ADRA1B: variants seen among roughly 807,000 people sequenced by gnomAD.
ADRA1B encodes alpha-1B adrenergic receptor.
ADRA1B carries 17 observed loss-of-function variants against 17.9 expected under a neutral mutation model. The observed-to-expected ratio is 0.95, with a 90% CI of 0.65 to 1.42. ADRA1B has a LOEUF of 1.42. Among genes scored for constraint, ADRA1B ranks in the 40% most tolerant of loss-of-function variants. The pLI is 0.00. For synonymous variants in ADRA1B, 366 were observed against 327.6 expected (o/e 1.12, Z -1.27); for missense variants, 681 against 722.1 (o/e 0.94, Z 0.65).
chr5:159,981,763 T>C, the ADRA1B span, among the ~76,000 whole-genome samples: 2 of 152,234 alleles, frequency 1.3e-5, no homozygotes, highest in Non-Finnish European at 2.9e-5. Flanking sequence ...CCCAAAGTGC[T>C]GGGATTACAG....
chr5:159,893,443 G>A (rs1435881808), intron 1 of ADRA1B, among the ~76,000 whole-genome samples: 1 of 152,222 alleles, frequency 6.6e-6, no homozygotes, highest in East Asian at 1.9e-4. Flanking sequence ...CAGCTTGGAA[G>A]GAGGGGCTCC....
rs1039984710 is a variant in ADRA1B, at chr5:159,969,836, T to C, written c.950-2043T>C. On this transcript the variant is annotated intron_variant, in intron 1 of 1. Transcript: ENST00000306675. ...GTATACACACCAAAATATGGTATTT[T>C]GGCACTGCAGAGTTTTATATGTGCT... Among the ~76,000 whole-genome samples, 145 of 152,370 alleles carry C rather than the reference T, an allele frequency of 9.5e-4. 1 individual carries two copies. The highest frequency in any genetic ancestry group is 3.2e-3 in the African/African-American group (135 of 41,598).
intron 1 of ADRA1B, among the ~76,000 whole-genome samples, chr5:159,965,361 G>T (rs2113288895): frequency 6.6e-6 from 1 of 152,244 alleles, no homozygotes; most frequent in Middle Eastern, 3.4e-3. Context: ...ATGCACAGGG[G>T]GTTAGTGGCA....
At chr5:159,902,438 G>C (rs1475739838) in intron 1 of ADRA1B, among the ~76,000 whole-genome samples, 2 of 151,680 alleles carry the variant, frequency 1.3e-5, no homozygotes, top group Non-Finnish European at 2.9e-5. Context: ...GCTGTAATGT[G>C]TACTTAAAAA....
At position 159,940,697 on chromosome 5, in the gene ADRA1B, C is replaced by T. The variant is rs867358895; in HGVS notation, c.949+22843C>T. 6.6e-5 allele frequency among the ~76,000 whole-genome samples: 10 copies of T among 152,222 alleles called. No individual in the cohort carries two copies. The Middle Eastern group carries it at 0.01, about 155-fold the overall frequency. ...ATATATACACACACACAAATGCATA[C>T]ACACACATGCATATACACACACTTA... On this transcript the variant is annotated intron_variant, in intron 1 of 1. Transcript: ENST00000306675.
intron 1 of ADRA1B, chr5:159,869,417 G>A (rs1753707341): frequency 6.6e-6 from 1 of 152,212 alleles, no homozygotes; most frequent in Admixed American, 6.5e-5. Context: ...CAGAACAGGT[G>A]TCCACAGGTA....
intron 1 of ADRA1B, among the ~76,000 whole-genome samples, chr5:159,908,918 T>C (rs1754195214): frequency 6.6e-6 from 1 of 152,170 alleles, no homozygotes; most frequent in Non-Finnish European, 1.5e-5. Context: ...TAATTGCCAT[T>C]ATACCAGGCT....
At chr5:159,939,274 AGAGAGTGTGTGT>A (rs1201912125) in intron 1 of ADRA1B, among the ~76,000 whole-genome samples, 88 of 78,402 alleles carry the variant, frequency 1.1e-3, no homozygotes, top group Admixed American at 3.0e-3. Flanking sequence ...AGAGAGAGAG[AGAGAGTGTGTGT>A]GTGTGTGTGT....
At chr5:159,866,656 C>A (rs1753657633) in intron 1 of ADRA1B, among the ~76,000 whole-genome samples, 1 of 151,122 alleles carries the variant, frequency 6.6e-6, no homozygotes, top group Non-Finnish European at 1.5e-5. Context: ...TAGTGGGGGA[C>A]AAACACATAA....
chr5:159,915,290 C>G (rs1478243581), upstream of ADRA1B, among the ~76,000 whole-genome samples: 1 of 152,160 alleles, frequency 6.6e-6, no homozygotes, highest in Non-Finnish European at 1.5e-5. Context: ...AGCTAAACTT[C>G]CCCATAATTT....
At chr5:159,927,929 G>C (rs963718757) in intron 1 of ADRA1B, among the ~76,000 whole-genome samples, 6 of 152,138 alleles carry the variant, frequency 3.9e-5, no homozygotes, top group Non-Finnish European at 7.3e-5. Context: ...GTATTTCGTG[G>C]GAAGCAGGAG....
At chr5:159,944,215 C>A (rs1755211584) in intron 1 of ADRA1B, among the ~76,000 whole-genome samples, 1 of 152,160 alleles carries the variant, frequency 6.6e-6, no homozygotes, top group African/African-American at 2.4e-5. Flanking sequence ...GCCCCAGGAA[C>A]AAATGGCCCC....
intron 1 of ADRA1B, chr5:159,951,104 A>G (rs1755426206): frequency 8.1e-6 from 6 of 740,914 alleles, no homozygotes; most frequent in African/African-American, 6.8e-5. Flanking sequence ...GTTCATGCCC[A>G]TCACGAACAT....
chr5:159,942,777 G>GA (rs1427021540), intron 1 of ADRA1B, among the ~76,000 whole-genome samples: 1 of 151,818 alleles, frequency 6.6e-6, no homozygotes, highest in African/African-American at 2.4e-5. Flanking sequence ...GAAATACATA[G>GA]AAAAAAACTG....
At chr5:159,875,823 G>C (rs1369069260) in intron 1 of ADRA1B, among the ~76,000 whole-genome samples, 1 of 152,212 alleles carries the variant, frequency 6.6e-6, no homozygotes, top group Non-Finnish European at 1.5e-5. Flanking sequence ...GGTCAACTGA[G>C]AAGAGGTTTC....
intron 1 of ADRA1B, among the ~76,000 whole-genome samples, chr5:159,877,162 G>A (rs534206984): frequency 5.9e-5 from 9 of 152,168 alleles, no homozygotes; most frequent in South Asian, 4.2e-4. Context: ...GCCCCTTTTC[G>A]CCTTCTCAGA....
intron 1 of ADRA1B, among the ~76,000 whole-genome samples, chr5:159,918,218 A>C (rs150627706): frequency 2.6e-5 from 4 of 152,218 alleles, no homozygotes; most frequent in African/African-American, 9.6e-5. Flanking sequence ...AGGCAGCGTC[A>C]CTAATGCAGC....
At chr5:159,928,848 G>A (rs1424889622) in intron 1 of ADRA1B, among the ~76,000 whole-genome samples, 2 of 152,174 alleles carry the variant, frequency 1.3e-5, no homozygotes, top group African/African-American at 2.4e-5. Flanking sequence ...GGAGGCAGCT[G>A]GTTGGGGAGG....
intron 1 of ADRA1B, among the ~76,000 whole-genome samples, chr5:159,954,811 G>A (rs918408921): frequency 2.6e-5 from 4 of 152,130 alleles, no homozygotes; most frequent in East Asian, 1.9e-4. Flanking sequence ...CAATAACACC[G>A]AACACATTCA....
Sources: gnomAD v4.1 joint callset for allele counts (sites outside exome capture counted in the v4.1 genomes callset) on GRCh38, gnomAD v4.1.1 for gene constraint, MANE v1.5 for transcripts, NCBI Gene and HGNC (gene_info 2026-07-23, HGNC 2026-07-21) for gene names.